Variants in NEK5 observed in about 807,000 individuals in gnomAD.
NEK5 encodes NIMA related kinase 5, also known as serine/threonine-protein kinase Nek5.
NEK5 carries 88 observed loss-of-function variants against 109.2 expected under a neutral mutation model. The observed-to-expected ratio is 0.81, with a 90% CI of 0.68 to 0.96. The LOEUF (loss-of-function observed/expected upper bound fraction) is 0.96. NEK5 is among the 40% of genes least tolerant of loss of function. NEK5 has a pLI of 0.00. For missense variants in NEK5, 834 were observed against 920.7 expected, an observed-to-expected ratio of 0.91 and a Z score of 1.22; for synonymous variants, 283 against 299.9, an observed-to-expected ratio of 0.94 and a Z score of 0.58.
rs1955552847 is a variant in NEK5 at position 52,102,210 on chromosome 13, T to C, written c.692A>G (p.Glu231Gly). 1.2e-6 allele frequency: 2 copies of C among 1,613,840 alleles called. No individual in the cohort carries two copies. Among genetic ancestry groups the C allele is most frequent in the African/African-American group, 2.7e-5 (2 of 74,890 alleles). The change falls in exon 10 of 24, where the codon GAG (glutamate) becomes GGG (glycine). Residue 231 changes from glutamate (E) to glycine (G), a missense_variant. By Grantham distance (98) the Glu-to-Gly change is moderately conservative. Transcript: ENST00000684899. The stretch of plus-strand genomic sequence containing the variant: ...GAGCTGAGATATCAAGGAATGGAGC[T>C]CACGAGAAAACCCCGGAGATATTGG... ...FAPISPGFSRELHSLISQLFQ... is the reference protein window; with the variant it reads ...FAPISPGFSRGLHSLISQLFQ...
chr13:52,060,795 T>C (rs926573061), intron 22 of NEK5, among the ~76,000 whole-genome samples: 1 of 152,216 alleles, frequency 6.6e-6, no homozygotes, highest in African/African-American at 2.4e-5. Flanking sequence ...CAGTAGCTTT[T>C]CTTGTAGCAC....
intron 16 of NEK5, among the ~76,000 whole-genome samples, chr13:52,084,270 G>T (rs1377591195): frequency 1.3e-5 from 2 of 151,792 alleles, no homozygotes; most frequent in Admixed American, 1.3e-4. Flanking sequence ...TCCCTCTGTT[G>T]CCCAGGCTGG....
At chr13:52,068,887 C>T (rs1359423399) in intron 20 of NEK5, among the ~76,000 whole-genome samples, 1 of 151,856 alleles carries the variant, frequency 6.6e-6, no homozygotes, top group Non-Finnish European at 1.5e-5. Flanking sequence ...AGGAGAATCG[C>T]TTGAACCCAG....
At chr13:52,066,314 TAA>T (rs1321206231) in intron 20 of NEK5, among the ~76,000 whole-genome samples, 1 of 152,228 alleles carries the variant, frequency 6.6e-6, no homozygotes, top group Non-Finnish European at 1.5e-5. Context: ...TACCATTATA[TAA>T]TGACCTCATT....
chr13:52,117,966 C>T (rs1243526583), intron 4 of NEK5, among the ~76,000 whole-genome samples: 1 of 152,192 alleles, frequency 6.6e-6, no homozygotes, highest in Admixed American at 6.5e-5. Flanking sequence ...TATTCAGTGG[C>T]TTTCCTTGAA....
chr13:52,085,997 T>C (rs1248471962), intron 16 of NEK5, among the ~76,000 whole-genome samples: 1 of 152,180 alleles, frequency 6.6e-6, no homozygotes, highest in Non-Finnish European at 1.5e-5. Context: ...TAAATATGTA[T>C]TGAGTGATTC....
chr13:52,096,484 A>G (rs1430229636), intron 12 of NEK5, among the ~76,000 whole-genome samples: 3 of 152,174 alleles, frequency 2.0e-5, no homozygotes, highest in Non-Finnish European at 4.4e-5. Flanking sequence ...AGCAAAGGAC[A>G]CTTTTGTTAT....
At chr13:52,113,624 AT>A (rs1463433715) in intron 4 of NEK5, among the ~76,000 whole-genome samples, 1 of 151,490 alleles carries the variant, frequency 6.6e-6, no homozygotes, top group South Asian at 2.1e-4. Flanking sequence ...ATTTCCTTAA[AT>A]TTTTTTTCTT....
chr13:52,080,461 C>A (rs558234371), intron 17 of NEK5, among the ~76,000 whole-genome samples: 510 of 152,124 alleles, frequency 3.4e-3, no homozygotes, highest in Middle Eastern at 0.01. Flanking sequence ...AGGGGAAAGG[C>A]GGGGAAAAGA....
Position 52,127,392 on chromosome 13 carries a change from C to T in NEK5, c.91G>A (p.Val31Ile). The T allele has an allele frequency of 6.2e-7, 1 of 1,605,314 alleles. No homozygotes were observed. The highest frequency in any genetic ancestry group is 8.5e-7 in the Non-Finnish European group (1 of 1,171,978). The part of the protein sequence containing the change: ...AKGKSDSKHC[V>I]IKEINFEKMP... Reference sequence around the variant, plus strand: ...TTTTCAAAATTGATCTCTTTTATGACACAGTGCTTGCTATCTGATTTCCCT... The same window carrying T: ...TTTTCAAAATTGATCTCTTTTATGATACAGTGCTTGCTATCTGATTTCCCT... The change falls in exon 3 of 24, where the codon GTC (valine) becomes ATC (isoleucine). Residue 31 changes from valine (V) to isoleucine (I), a missense_variant. Coordinates refer to ENST00000684899, the MANE Select transcript of NEK5 (RefSeq NM_001365552.1).
chr13:52,048,384 C>A (rs947906385), intron 23 of NEK5, among the ~76,000 whole-genome samples: 1 of 152,060 alleles, frequency 6.6e-6, no homozygotes, highest in African/African-American at 2.4e-5. Flanking sequence ...CCAGCCTGAA[C>A]AACACTGTGA....
chr13:52,094,168 G>A (rs946067152), intron 12 of NEK5, among the ~76,000 whole-genome samples: 1 of 152,156 alleles, frequency 6.6e-6, no homozygotes, highest in Non-Finnish European at 1.5e-5. Flanking sequence ...TCTTCCAACT[G>A]AGTAGAAGCC....
intron 16 of NEK5, 21 bp downstream of exon 16, chr13:52,086,256 C>T (rs756430178): frequency 1.4e-6 from 2 of 1,402,224 alleles, no homozygotes; most frequent in Admixed American, 1.7e-5. Context: ...AACAATGTTT[C>T]CCCTAGAAGA....
chr13:52,105,893 G>A (rs1484334805), intron 8 of NEK5, among the ~76,000 whole-genome samples: 1 of 151,732 alleles, frequency 6.6e-6, no homozygotes, highest in African/African-American at 2.4e-5. Flanking sequence ...TAGTGACAGG[G>A]TCTCACAATG....
chr13:52,128,510 TTTG>T (rs1338709747), intron 1 of NEK5, among the ~76,000 whole-genome samples: 1 of 152,086 alleles, frequency 6.6e-6, no homozygotes, highest in African/African-American at 2.4e-5. Flanking sequence ...ATAATACAGT[TTTG>T]TTGTTGTTGT....
intron 22 of NEK5, among the ~76,000 whole-genome samples, chr13:52,056,006 T>C (rs1417425286): frequency 3.3e-5 from 5 of 151,970 alleles, no homozygotes; most frequent in African/African-American, 4.8e-5. Context: ...GACTGGCAAA[T>C]TGGATAAAGA....
At chr13:52,088,255 G>GT (rs201507300) in intron 14 of NEK5, among the ~76,000 whole-genome samples, 2,914 of 148,326 alleles carry the variant, frequency 0.02, 62 homozygotes, top group African/African-American at 0.06. Context: ...GTTGGTTTTT[G>GT]TTTTTTTTGT....
intron 8 of NEK5, among the ~76,000 whole-genome samples, chr13:52,105,764 A>G (rs757702171): frequency 6.6e-6 from 1 of 152,282 alleles, no homozygotes; most frequent in African/African-American, 2.4e-5. Context: ...ACTGTGGTGA[A>G]CCAGTCCTCT....
chr13:52,068,476 C>T (rs1026584548), intron 20 of NEK5, among the ~76,000 whole-genome samples: 27 of 151,530 alleles, frequency 1.8e-4, no homozygotes, highest in Admixed American at 9.2e-4. Flanking sequence ...TACACACACA[C>T]ACACACACAC....
Sources: allele counts gnomAD v4.1 joint callset (sites outside exome capture counted in the v4.1 genomes callset), GRCh38; gene constraint gnomAD v4.1.1; transcripts MANE v1.5; gene names NCBI Gene and HGNC (gene_info 2026-07-23, HGNC 2026-07-21).